The following KIRREL3 variants were observed in gnomAD, a reference collection of about 807,000 sequenced individuals.
KIRREL3 encodes the protein kirre like nephrin family adhesion molecule 3, also known as kin of IRRE-like protein 3.
A neutral mutation model predicts 89.7 loss-of-function variants in KIRREL3; 36 were observed. That is an observed-to-expected ratio of 0.40 (90% CI 0.31 to 0.53). The LOEUF (loss-of-function observed/expected upper bound fraction) is 0.53. Ranked by LOEUF, KIRREL3 falls within the 20% of genes least tolerant of loss-of-function variation. The probability of loss-of-function intolerance (pLI) is 0.49; values close to 1 mark genes in which losing one functional copy is unlikely to be tolerated. For synonymous variants in KIRREL3, 445 were observed against 441.4 expected (o/e 1.01, Z -0.10); for missense variants, 864 against 1,056.6 (o/e 0.82, Z 2.53).
intron 2 of KIRREL3, chr11:126,543,940 T>C (rs1467961731): frequency 6.6e-6 from 1 of 152,296 alleles, no homozygotes; most frequent in African/African-American, 2.4e-5. Context: ...AGCCACTTAT[T>C]TGTTGTGAGA....
chr11:126,921,639 C>T (rs28748039), intron 1 of KIRREL3, among the ~76,000 whole-genome samples: 63,419 of 103,566 alleles, frequency 0.61, 23,321 homozygotes, highest in Middle Eastern at 0.76. Context: ...TCTATCCATC[C>T]ATCTTCCTGT....
chr11:126,436,925 T>G lies in KIRREL3; in HGVS notation c.1438A>C (p.Ile480Leu). The change falls in exon 12 of 17, where the codon ATC becomes CTC. Residue 480 changes from isoleucine (I) to leucine (L), a missense_variant. Coordinates refer to ENST00000525144, the MANE Select transcript of KIRREL3 (RefSeq NM_032531.4). The stretch of plus-strand genomic sequence containing the variant: ...ATGTTGCTGATGGTCAGGGTGGAGA[T>G]GACGCCCTCCTCGGTGCTGATGGTC... ...VETISTEEGV[I>L]STLTISNIVR... is the part of the protein sequence containing the mutation. The G allele has an allele frequency of 6.2e-7, 1 of 1,612,942 alleles. No individual in the cohort carries two copies. The highest frequency in any genetic ancestry group is 8.5e-7 in the Non-Finnish European group (1 of 1,179,530).
In KIRREL3 at chr11:126,606,540, A is replaced by G. The variant is rs1380679583; in HGVS notation, c.56-43628T>C. Among the ~76,000 whole-genome samples the G allele has an allele frequency of 6.6e-6, 1 of 152,078 alleles. No individual in the cohort carries two copies. The highest frequency in any genetic ancestry group is 2.4e-5 in the African/African-American group (1 of 41,400). ...GGGCTCTCTGGGAACTGCCTTCCAC[A>G]TTTCCCCACCTTAGGGTGGTCTCCA... On this transcript the variant is annotated intron_variant, in intron 1 of 16. Coordinates refer to ENST00000525144, the MANE Select transcript of KIRREL3 (RefSeq NM_032531.4). The surrounding 1 kb of genome is among the most constrained non-coding windows in gnomAD (Gnocchi z 4.6).
chr11:126,571,201 A>G lies in KIRREL3; in HGVS notation c.56-8289T>C, dbSNP rs1940906810. 6.6e-6 allele frequency among the ~76,000 whole-genome samples: 1 copy of G among 152,092 alleles called. No homozygotes were observed. Among genetic ancestry groups the G allele is most frequent in the Non-Finnish European group, 1.5e-5 (1 of 68,010 alleles). ...CTTTTTGATACCTTGCCTAGCTCTT[A>G]TCATCTTTCTCTCCTTGGAGGGCTG... On this transcript the variant is annotated intron_variant, in intron 1 of 16. Transcript: ENST00000525144. This position sits in a 1 kb window ranked among gnomAD's most constrained non-coding sequence, Gnocchi z 7.7.
chr11:126,440,174 C>T (rs986286491), intron 11 of KIRREL3: 5 of 665,488 alleles, frequency 7.5e-6, no homozygotes, highest in Non-Finnish European at 1.4e-5. Context: ...TCGTGTGCCC[C>T]TCTGCCCTTA....
chr11:126,916,107 C>T (rs1423705925), intron 1 of KIRREL3, among the ~76,000 whole-genome samples: 2 of 152,156 alleles, frequency 1.3e-5, no homozygotes, highest in African/African-American at 2.4e-5. Flanking sequence ...TGATTAATAG[C>T]GTTCTAATGA....
intron 1 of KIRREL3, among the ~76,000 whole-genome samples, chr11:126,691,154 G>A (rs1265651349): frequency 6.6e-6 from 1 of 152,158 alleles, no homozygotes; most frequent in African/African-American, 2.4e-5. Context: ...TCGGGTGTTG[G>A]AGGGAGTGTG....
At position 126,483,392 on chromosome 11, in the gene KIRREL3, C is replaced by T. The variant is rs185458192; in HGVS notation, c.434-9926G>A. Among the ~76,000 whole-genome samples the T allele has an allele frequency of 3.5e-3, 531 of 152,294 alleles. 4 individuals are homozygous for T. Among genetic ancestry groups the T allele is most frequent in the Non-Finnish European group, 3.1e-3 (211 of 68,028 alleles). On this transcript the variant is annotated intron_variant, in intron 4 of 16. Coordinates refer to ENST00000525144, the MANE Select transcript of KIRREL3 (RefSeq NM_032531.4). ...TCTTCTTAATCTATCGTTTGTTACACGGGTGTCAGCTGCAAACCTTGTAAT... is the reference window on the plus strand; with the variant it reads ...TCTTCTTAATCTATCGTTTGTTACATGGGTGTCAGCTGCAAACCTTGTAAT...
chr11:126,939,826 C>A (rs1730200964), intron 1 of KIRREL3, among the ~76,000 whole-genome samples: 1 of 152,168 alleles, frequency 6.6e-6, no homozygotes, highest in Admixed American at 6.5e-5. Flanking sequence ...AATCTTCCTG[C>A]CAAGTTATCA....
intron 1 of KIRREL3, among the ~76,000 whole-genome samples, chr11:126,693,670 C>T (rs886068600): frequency 2.0e-5 from 3 of 151,844 alleles, no homozygotes; most frequent in Non-Finnish European, 2.9e-5. Context: ...GCTGAGTTTC[C>T]GAAGGGAAAA....
rs4935993 is a variant in KIRREL3 at position 126,796,389 on chromosome 11, C to G, written c.55+204066G>C. On this transcript the variant is annotated intron_variant, in intron 1 of 16. Coordinates refer to ENST00000525144, the MANE Select transcript of KIRREL3 (RefSeq NM_032531.4). This position sits in a 1 kb window ranked among gnomAD's most constrained non-coding sequence, Gnocchi z 5.1. ...TTGGATGGAAGGATCTCATTCTGCC[C>G]GTCCTGTCCCGCAGCATTGGGTGTG... 0.73 allele frequency among the ~76,000 whole-genome samples: 110,580 copies of G among 152,144 alleles called. 40,219 individuals are homozygous for G. The highest frequency in any genetic ancestry group is 0.81 in the South Asian group (3,911 of 4,808).
rs748381577 is a variant in KIRREL3, at chr11:126,619,034, A to G, written c.56-56122T>C. Among the ~76,000 whole-genome samples, 3 of 151,804 alleles carry G rather than the reference A, an allele frequency of 2.0e-5. 1 individual carries two copies. The highest frequency in any genetic ancestry group is 4.9e-5 in the African/African-American group (2 of 41,044). ...TTCTAGTTGGAGAAGCAAGCCCTTG[A>G]AAACAAAGTAAATAACAAAGAGTTT... On this transcript the variant is annotated intron_variant, in intron 1 of 16. Coordinates refer to ENST00000525144, the MANE Select transcript of KIRREL3 (RefSeq NM_032531.4).
intron 4 of KIRREL3, among the ~76,000 whole-genome samples, chr11:126,478,915 T>G (rs1472928353): frequency 6.6e-6 from 1 of 152,120 alleles, no homozygotes; most frequent in Non-Finnish European, 1.5e-5. Context: ...TGCGCTGCTG[T>G]GGCATCAGGG....
At chr11:126,681,075 T>C (rs1946432804) in intron 1 of KIRREL3, among the ~76,000 whole-genome samples, 1 of 152,202 alleles carries the variant, frequency 6.6e-6, no homozygotes, top group East Asian at 1.9e-4. Flanking sequence ...TGAGAGTTCA[T>C]GTCAAAATGT....
In KIRREL3 at chr11:126,715,259, TG is replaced by T. The variant is rs1396976035; in HGVS notation, c.56-152348del. On this transcript the variant is annotated intron_variant, in intron 1 of 16. Transcript: ENST00000525144. The surrounding 1 kb of genome is among the most constrained non-coding windows in gnomAD (Gnocchi z 4.4). ...ACTCAGGCTATCCCCATCTATTTTG[TG>T]GGGGAAGAAAACTATTCAGCATTTT... Among the ~76,000 whole-genome samples, 1 of 152,208 alleles carries T rather than the reference TG, an allele frequency of 6.6e-6. No individual in the cohort carries two copies. Among genetic ancestry groups the T allele is most frequent in the Non-Finnish European group, 1.5e-5 (1 of 68,028 alleles).
chr11:126,798,597 T>C (rs1373810430), intron 1 of KIRREL3, among the ~76,000 whole-genome samples: 3 of 151,962 alleles, frequency 2.0e-5, no homozygotes, highest in Non-Finnish European at 4.4e-5. Flanking sequence ...CAGTGGGGAG[T>C]GTGGGGGAAC....
chr11:126,446,262 T>TTTTCTTTCTTTTCTTTC (rs1955795785), intron 9 of KIRREL3, among the ~76,000 whole-genome samples: 1 of 137,808 alleles, frequency 7.3e-6, no homozygotes, highest in Non-Finnish European at 1.6e-5. Context: ...TTTCTTTTCT[T>TTTTCTTTCTTTTCTTTC]TCTCTCTCTT....
At chr11:126,727,652 CCTT>C (rs1290421396) in intron 1 of KIRREL3, among the ~76,000 whole-genome samples, 3 of 152,228 alleles carry the variant, frequency 2.0e-5, no homozygotes, top group African/African-American at 4.8e-5. Context: ...TTGTGGTCCT[CCTT>C]CTTCTAATCT....
chr11:126,839,024 G>A (rs1270914675), intron 1 of KIRREL3, among the ~76,000 whole-genome samples: 1 of 152,194 alleles, frequency 6.6e-6, no homozygotes, highest in Non-Finnish European at 1.5e-5. Flanking sequence ...CTCCAAGGGA[G>A]GACTTGGCTT....
Sources: allele counts gnomAD v4.1 joint callset (sites outside exome capture counted in the v4.1 genomes callset), GRCh38; gene constraint gnomAD v4.1.1; non-coding constraint Gnocchi (gnomAD v3.1); transcripts MANE v1.5; gene names NCBI Gene and HGNC (gene_info 2026-07-23, HGNC 2026-07-21).